FGGY: variants seen among roughly 807,000 people sequenced by gnomAD.
FGGY encodes FGGY carbohydrate kinase domain-containing protein.
In FGGY, 72 loss-of-function variants were observed where a neutral mutation model predicts 71.3. The ratio of observed to expected loss-of-function variants is 1.01; its 90% CI spans 0.84 to 1.23. The LOEUF (loss-of-function observed/expected upper bound fraction) is 1.23, where lower values mean the gene tolerates loss of function less well. Ranked by LOEUF, FGGY falls within the 50% of genes most tolerant of loss-of-function variation. The pLI is 0.00. For synonymous variants in FGGY, 251 were observed against 250.3 expected (o/e 1.00, Z -0.02); for missense variants, 668 against 682.3 (o/e 0.98, Z 0.23).
rs189692810 is a variant in FGGY at position 59,597,173 on chromosome 1, A to T, written c.904-10630A>T. Among the ~76,000 whole-genome samples, 478 of 152,328 alleles carry T rather than the reference A, an allele frequency of 3.1e-3. 4 individuals are homozygous for T. The highest frequency in any genetic ancestry group is 4.8e-3 in the Non-Finnish European group (325 of 68,026). On this transcript the variant is annotated intron_variant, in intron 8 of 15. Transcript: ENST00000303721. ...ATTCTTCAGGTCTAGACTTGTAGGG[A>T]TGTATCCTGAATTCCTCTGAGCTAA...
chr1:59,357,435 T>C (rs956774266), intron 4 of FGGY, among the ~76,000 whole-genome samples: 11 of 152,206 alleles, frequency 7.2e-5, no homozygotes, highest in African/African-American at 2.2e-4. Context: ...GGGATAAATA[T>C]TACTACTTCT....
chr1:59,465,530 T>G (rs534902782), intron 6 of FGGY, among the ~76,000 whole-genome samples: 1 of 152,240 alleles, frequency 6.6e-6, no homozygotes, highest in East Asian at 1.9e-4. Flanking sequence ...GAGAAAGAAA[T>G]AAAGGGTATT....
chr1:59,485,305 G>A (rs2093624627), intron 6 of FGGY, among the ~76,000 whole-genome samples: 4 of 152,156 alleles, frequency 2.6e-5, no homozygotes, highest in Admixed American at 2.6e-4. Flanking sequence ...AGCTACACAT[G>A]TTCATCTAAG....
intron 5 of FGGY, among the ~76,000 whole-genome samples, chr1:59,437,671 G>A (rs1398389951): frequency 6.6e-6 from 1 of 152,212 alleles, no homozygotes; most frequent in Non-Finnish European, 1.5e-5. Context: ...ACATATCAGT[G>A]ATTGCTATAG....
intron 3 of FGGY, among the ~76,000 whole-genome samples, chr1:59,341,748 C>A (rs374735816): frequency 1.5e-3 from 233 of 152,306 alleles, no homozygotes; most frequent in African/African-American, 5.3e-3. Context: ...CAGCAGCAAG[C>A]ATTCACTAAT....
At chr1:59,468,610 C>A (rs1363405514) in intron 6 of FGGY, among the ~76,000 whole-genome samples, 1 of 152,098 alleles carries the variant, frequency 6.6e-6, no homozygotes, top group African/African-American at 2.4e-5. Flanking sequence ...TGGTGGCTCA[C>A]ACCTGTAATC....
intron 7 of FGGY, among the ~76,000 whole-genome samples, chr1:59,521,174 A>T (rs1347772158): frequency 1.3e-5 from 2 of 152,132 alleles, no homozygotes; most frequent in Admixed American, 6.5e-5. Context: ...GGAAGAACGT[A>T]TTCATGGGAT....
intron 8 of FGGY, among the ~76,000 whole-genome samples, chr1:59,587,808 A>G (rs1345583595): frequency 2.0e-5 from 3 of 152,204 alleles, no homozygotes; most frequent in Admixed American, 1.3e-4. Context: ...CGTCGCCATC[A>G]TCAAAGACCA....
intron 7 of FGGY, among the ~76,000 whole-genome samples, chr1:59,523,543 G>A (rs2094893776): frequency 6.6e-6 from 1 of 152,102 alleles, no homozygotes; most frequent in African/African-American, 2.4e-5. Flanking sequence ...TTCCATATGG[G>A]CATCTTGAGC....
At chr1:59,629,400 C>G (rs2096888091) in intron 10 of FGGY, among the ~76,000 whole-genome samples, 2 of 151,998 alleles carry the variant, frequency 1.3e-5, no homozygotes, top group South Asian at 4.2e-4. Flanking sequence ...CTGATTTTGA[C>G]AAGGAGTTTA....
intron 14 of FGGY, among the ~76,000 whole-genome samples, chr1:59,710,033 C>T (rs2097783121): frequency 6.6e-6 from 1 of 152,144 alleles, no homozygotes; most frequent in South Asian, 2.1e-4. Context: ...CAAAACATGC[C>T]CCCACCCCTA....
At chr1:59,500,822 G>C (rs1391299944) in intron 6 of FGGY, among the ~76,000 whole-genome samples, 2 of 152,144 alleles carry the variant, frequency 1.3e-5, no homozygotes, top group African/African-American at 4.8e-5. Context: ...CGTTCGTTGA[G>C]GATAAGCAAT....
intron 6 of FGGY, among the ~76,000 whole-genome samples, chr1:59,482,486 A>G (rs1259400667): frequency 6.6e-6 from 1 of 152,060 alleles, no homozygotes; most frequent in Admixed American, 6.6e-5. Flanking sequence ...ATATATATAT[A>G]AACAGTTTTT....
At chr1:59,415,072 G>A (rs2064161783) in intron 5 of FGGY, among the ~76,000 whole-genome samples, 1 of 152,166 alleles carries the variant, frequency 6.6e-6, no homozygotes, top group Non-Finnish European at 1.5e-5. Flanking sequence ...GTCTGGGACA[G>A]GATCACATCT....
intron 12 of FGGY, among the ~76,000 whole-genome samples, chr1:59,664,547 C>T (rs2097306537): frequency 6.6e-6 from 1 of 152,194 alleles, no homozygotes; most frequent in South Asian, 2.1e-4. Flanking sequence ...ATCAAAGATA[C>T]CAGTTTTTCC....
intron 8 of FGGY, among the ~76,000 whole-genome samples, chr1:59,592,660 T>G (rs1368729656): frequency 1.4e-4 from 21 of 152,068 alleles, no homozygotes; most frequent in Non-Finnish European, 2.9e-5. Flanking sequence ...TTGGAAATCA[T>G]TATTCTCAGT....
At chr1:59,652,627 T>A (rs2097175229) in intron 11 of FGGY, among the ~76,000 whole-genome samples, 1 of 142,366 alleles carries the variant, frequency 7.0e-6, no homozygotes, top group African/African-American at 2.8e-5. Context: ...CACTTCTCTG[T>A]ATTGGTTATT....
chr1:59,531,572 T>A (rs982598410), intron 7 of FGGY, among the ~76,000 whole-genome samples: 1 of 152,218 alleles, frequency 6.6e-6, no homozygotes, highest in Admixed American at 6.5e-5. Flanking sequence ...TTTTATACGC[T>A]GAGCATTTAC....
At chr1:59,645,603 G>A (rs1362173838) in intron 11 of FGGY, among the ~76,000 whole-genome samples, 4 of 152,168 alleles carry the variant, frequency 2.6e-5, no homozygotes, top group African/African-American at 7.2e-5. Flanking sequence ...GGAATAGCTA[G>A]CATTGTAGGA....
Sources: allele counts gnomAD v4.1 joint callset (sites outside exome capture counted in the v4.1 genomes callset), GRCh38; gene constraint gnomAD v4.1.1; transcripts MANE v1.5; gene names NCBI Gene and HGNC (gene_info 2026-07-23, HGNC 2026-07-21).